ACOT7: variants seen among roughly 807,000 people sequenced by gnomAD.
ACOT7 encodes the protein acyl-CoA thioesterase 7.
In ACOT7, 12 loss-of-function variants were observed where a neutral mutation model predicts 40.2. The ratio of observed to expected loss-of-function variants is 0.30; its 90% CI spans 0.19 to 0.48. ACOT7 has a LOEUF of 0.48. Ranked by LOEUF, ACOT7 falls within the 20% of genes least tolerant of loss-of-function variation. ACOT7 has a pLI of 0.99. For synonymous variants in ACOT7, 228 were observed against 219.5 expected (o/e 1.04, Z -0.34); for missense variants, 395 against 530.8 (o/e 0.74, Z 2.51).
rs1283816592 is a variant in ACOT7, at chr1:6,309,341, GC to G, written c.712+9150del. Among the ~76,000 whole-genome samples, 3 of 152,286 alleles carry G rather than the reference GC, an allele frequency of 2.0e-5. No individual in the cohort carries two copies. In the East Asian group the frequency reaches 5.8e-4, roughly 29 times the overall value. Reference sequence around the variant, plus strand: ...TGGATTTGGGGGATTGCAGTAGGGGGCTGGGAGGACAGCTCCAAGATATGGG... The same window carrying G: ...TGGATTTGGGGGATTGCAGTAGGGGGTGGGAGGACAGCTCCAAGATATGGG... On this transcript the variant is annotated intron_variant, in intron 6 of 8. Coordinates refer to ENST00000361521, the MANE Select transcript of ACOT7 (RefSeq NM_007274.4).
At chr1:6,337,702 C>T (rs926768345) in intron 3 of ACOT7, among the ~76,000 whole-genome samples, 2 of 152,110 alleles carry the variant, frequency 1.3e-5, no homozygotes, top group Non-Finnish European at 1.5e-5. Context: ...CGGCTGGGCT[C>T]GGTGGCTCAT....
intron 6 of ACOT7, among the ~76,000 whole-genome samples, chr1:6,307,714 G>A (rs1025129931): frequency 1.9e-4 from 29 of 150,940 alleles, no homozygotes; most frequent in East Asian, 5.9e-4. Flanking sequence ...CACAACAGGC[G>A]GAGGGAACCA....
chr1:6,326,194 G>T lies in ACOT7; in HGVS notation c.625+1105C>A, dbSNP rs1004012817. On this transcript the variant is annotated intron_variant, in intron 5 of 8. Coordinates refer to ENST00000361521, the MANE Select transcript of ACOT7 (RefSeq NM_007274.4). ...AAGCACACAGTGCGTCCTGGAGGGA[G>T]TTCTCCTGCCACTACGACAACATGA... 4.6e-5 allele frequency among the ~76,000 whole-genome samples: 7 copies of T among 152,272 alleles called. No homozygotes were observed. The South Asian group carries it at 1.4e-3, about 32-fold the overall frequency.
chr1:6,299,571 C>T lies in ACOT7; in HGVS notation c.713-4591G>A, dbSNP rs992152526. 2.6e-5 allele frequency among the ~76,000 whole-genome samples: 4 copies of T among 151,954 alleles called. No homozygotes were observed. The highest frequency in any genetic ancestry group is 3.9e-4 in the East Asian group (2 of 5,166). ...CAGAGGACAGTCGGCCTCCCCTTAC[C>T]GGACGCCACACACAGAGGGCAGAGA... On this transcript the variant is annotated intron_variant, in intron 6 of 8. Transcript: ENST00000361521. The surrounding 1 kb of genome is among the most constrained non-coding windows in gnomAD (Gnocchi z 4.1).
chr1:6,271,776 C>G (rs751047338), intron 8 of ACOT7, among the ~76,000 whole-genome samples: 1 of 152,256 alleles, frequency 6.6e-6, no homozygotes, highest in African/African-American at 2.4e-5. Context: ...AACACCCTCA[C>G]CAGGGGCTCC....
chr1:6,323,264 C>A (rs1640698055), intron 5 of ACOT7, among the ~76,000 whole-genome samples: 1 of 152,200 alleles, frequency 6.6e-6, no homozygotes, highest in Non-Finnish European at 1.5e-5. Flanking sequence ...AAGGCCAGAC[C>A]TAGAAAGGAC....
Position 6,282,317 on chromosome 1 carries a change from T to C in ACOT7, c.830-1031A>G, listed in dbSNP as rs1050458629. The stretch of plus-strand genomic sequence containing the variant: ...GAAGGACTCAAGCCAAGAGCTGACC[T>C]GGGGCCCCGGGAAGGTGTCACCATC... On this transcript the variant is annotated intron_variant, in intron 7 of 8. Coordinates refer to ENST00000361521, the MANE Select transcript of ACOT7 (RefSeq NM_007274.4). The surrounding 1 kb of genome is among the most constrained non-coding windows in gnomAD (Gnocchi z 4.5). Among the ~76,000 whole-genome samples the C allele has an allele frequency of 1.3e-5, 2 of 152,168 alleles. No individual in the cohort carries two copies. Among genetic ancestry groups the C allele is most frequent in the African/African-American group, 4.8e-5 (2 of 41,448 alleles).
chr1:6,378,126 A>AGGATGTT (rs1239439059), intron 1 of ACOT7, among the ~76,000 whole-genome samples: 1 of 146,992 alleles, frequency 6.8e-6, no homozygotes. Context: ...CAAAGCATCC[A>AGGATGTT]CTCGCTACAA....
At position 6,264,622 on chromosome 1, in the gene ACOT7, T is replaced by C. The variant is rs765656734; in HGVS notation, c.1088A>G (p.Gln363Arg). 8.7e-6 allele frequency: 14 copies of C among 1,613,114 alleles called. No individual in the cohort carries two copies. The South Asian group carries it at 1.4e-4, about 16-fold the overall frequency. Reference protein sequence around the residue: ...GRYLQMKAKRQGHAEPQP With the variant: ...GRYLQMKAKRRGHAEPQP Reference sequence around the variant, plus strand: ...CTAGGGCTGAGGCTCCGCGTGGCCCTGTCGCTTCGCCTTCATCTGCAGGTA... The same window carrying C: ...CTAGGGCTGAGGCTCCGCGTGGCCCCGTCGCTTCGCCTTCATCTGCAGGTA... Residue 363 changes from glutamine to arginine, a missense_variant, in exon 9 of 9, where the codon CAG (glutamine) becomes CGG (arginine). This residue lies in a region of ACOT7 where 309 missense variants were observed against 470.3 expected (regional missense o/e 0.66). Coordinates refer to ENST00000361521, the MANE Select transcript of ACOT7 (RefSeq NM_007274.4).
At position 6,321,337 on chromosome 1, in the gene ACOT7, T is replaced by C. The variant is rs187960398; in HGVS notation, c.626-2759A>G. On this transcript the variant is annotated intron_variant, in intron 5 of 8. Coordinates refer to ENST00000361521, the MANE Select transcript of ACOT7 (RefSeq NM_007274.4). ...AAACTTAGTAGGCATCTGATCTGTC[T>C]GCCTCCAGTCAGTTCCATGTGACAG... Among the ~76,000 whole-genome samples, 460 of 152,348 alleles carry C rather than the reference T, an allele frequency of 3.0e-3. 2 individuals are homozygous for C. The highest frequency in any genetic ancestry group is 9.9e-3 in the African/African-American group (410 of 41,574).
In ACOT7 at chr1:6,289,117, T is replaced by G. The variant is rs979619849; in HGVS notation, c.829+5747A>C. On this transcript the variant is annotated intron_variant, in intron 7 of 8. Coordinates refer to ENST00000361521, the MANE Select transcript of ACOT7 (RefSeq NM_007274.4). This position sits in a 1 kb window ranked among gnomAD's most constrained non-coding sequence, Gnocchi z 4.6. Reference sequence around the variant, plus strand: ...CTGGTTATTTTATTTTATTTTTTTTTGAGACGGAGTCTCGCTCTGTCGCCC... The same window carrying G: ...CTGGTTATTTTATTTTATTTTTTTTGGAGACGGAGTCTCGCTCTGTCGCCC... Among the ~76,000 whole-genome samples the G allele has an allele frequency of 1.3e-5, 2 of 152,246 alleles. No individual in the cohort carries two copies. The highest frequency in any genetic ancestry group is 2.9e-5 in the Non-Finnish European group (2 of 68,046).
rs57181755 is a variant in ACOT7, at chr1:6,299,640, CAGAGAGAG to C, written c.713-4668_713-4661del. On this transcript the variant is annotated intron_variant, in intron 6 of 8. Coordinates refer to ENST00000361521, the MANE Select transcript of ACOT7 (RefSeq NM_007274.4). The surrounding 1 kb of genome is among the most constrained non-coding windows in gnomAD (Gnocchi z 4.1). The stretch of plus-strand genomic sequence containing the variant: ...CTGACTAGGTACTAGGTCATGGCTT[CAGAGAGAG>C]AGAGAGAGAGAGCGCAAGTGTGTGT... Among the ~76,000 whole-genome samples the C allele has an allele frequency of 2.0e-5, 3 of 148,282 alleles. No individual in the cohort carries two copies. The highest frequency in any genetic ancestry group is 4.5e-5 in the Non-Finnish European group (3 of 66,804).
chr1:6,343,664 A>T (rs988228855), intron 2 of ACOT7, among the ~76,000 whole-genome samples: 4 of 152,280 alleles, frequency 2.6e-5, no homozygotes, highest in Non-Finnish European at 5.9e-5. Context: ...GGCAAGAATT[A>T]GGCACCGCCT....
chr1:6,326,522 G>T (rs1392861260), intron 5 of ACOT7, among the ~76,000 whole-genome samples: 1 of 152,236 alleles, frequency 6.6e-6, no homozygotes, highest in Non-Finnish European at 1.5e-5. Flanking sequence ...GTGCCTACTG[G>T]CAGAGCCCCT....
At chr1:6,374,232 G>A (rs530266919) in intron 1 of ACOT7, among the ~76,000 whole-genome samples, 48 of 152,328 alleles carry the variant, frequency 3.2e-4, no homozygotes, top group Admixed American at 2.9e-3. Context: ...GAGGCGGGAG[G>A]GAGGTGGCCA....
chr1:6,349,993 A>G (rs1641544539), intron 1 of ACOT7, 127 bp from the exon 2 acceptor site: 6 of 895,598 alleles, frequency 6.7e-6, no homozygotes, highest in Middle Eastern at 2.3e-4. Flanking sequence ...AACCTTCCCA[A>G]TGTTTGGGCT....
At chr1:6,379,807 T>A (rs2148479113) in intron 1 of ACOT7, among the ~76,000 whole-genome samples, 2 of 151,388 alleles carry the variant, frequency 1.3e-5, no homozygotes, top group East Asian at 3.9e-4. Flanking sequence ...TGGCCTATAA[T>A]CCCAGCAATT....
chr1:6,281,972 T>C (rs1639371375), intron 7 of ACOT7, among the ~76,000 whole-genome samples: 1 of 152,104 alleles, frequency 6.6e-6, no homozygotes, highest in South Asian at 2.1e-4. Context: ...GCCAGAGTCC[T>C]CCATGCTCAA....
chr1:6,385,906 T>C, intron 1 of ACOT7: 2 of 1,196,598 alleles, frequency 1.7e-6, no homozygotes. Context: ...ATGCAAGGAA[T>C]CCATGACTCG....
Sources: gnomAD v4.1 joint callset for allele counts (sites outside exome capture counted in the v4.1 genomes callset) on GRCh38, gnomAD v4.1.1 for gene constraint, gnomAD v4.1.1 regional missense constraint, Gnocchi (gnomAD v3.1) non-coding constraint, MANE v1.5 for transcripts, NCBI Gene and HGNC (gene_info 2026-07-23, HGNC 2026-07-21) for gene names.